The following CCSER2 variants were observed in gnomAD, a reference collection of about 807,000 sequenced individuals.
CCSER2 encodes the protein serine-rich coiled-coil domain-containing protein 2.
In CCSER2, 46 loss-of-function variants were observed where a neutral mutation model predicts 92.3. That is an observed-to-expected ratio of 0.50 (90% CI 0.39 to 0.64). CCSER2 has a LOEUF of 0.64. Ranked by LOEUF, CCSER2 falls within the 30% of genes least tolerant of loss-of-function variation. CCSER2 has a pLI of 0.00. For synonymous variants in CCSER2, 433 were observed against 431.4 expected (o/e 1.00, Z -0.04); for missense variants, 1,244 against 1,238.9 (o/e 1.00, Z -0.06).
At chr10:84,457,398 AATAT>A (rs1195932259) in intron 6 of CCSER2, among the ~76,000 whole-genome samples, 2 of 91,750 alleles carry the variant, frequency 2.2e-5, no homozygotes, top group African/African-American at 4.4e-5. Flanking sequence ...TATTTATTTA[AATAT>A]ATATTTTAAA....
At chr10:84,501,428 C>G (rs534923821) in intron 9 of CCSER2, among the ~76,000 whole-genome samples, 1 of 152,228 alleles carries the variant, frequency 6.6e-6, no homozygotes, top group Non-Finnish European at 1.5e-5. Context: ...TGTTCCTCCC[C>G]CTTTCTCCTT....
At chr10:84,446,979 CATA>C (rs1322245322) in intron 6 of CCSER2, among the ~76,000 whole-genome samples, 2 of 151,346 alleles carry the variant, frequency 1.3e-5, no homozygotes, top group Non-Finnish European at 2.9e-5. Flanking sequence ...ATGAACGAAA[CATA>C]ATATCTTTGT....
chr10:84,457,294 TATATATA>T (rs1156476267), intron 6 of CCSER2, among the ~76,000 whole-genome samples: 10 of 51,462 alleles, frequency 1.9e-4, no homozygotes, highest in African/African-American at 8.8e-4. Flanking sequence ...TATTATATAT[TATATATA>T]ATATGTTATA....
intron 1 of CCSER2, among the ~76,000 whole-genome samples, chr10:84,351,487 C>CTCCCAAAA (rs1589419307): frequency 1.3e-5 from 2 of 152,142 alleles, no homozygotes. Flanking sequence ...TCACCTTGGC[C>CTCCCAAAA]TCCCAAAATC....
intron 6 of CCSER2, among the ~76,000 whole-genome samples, chr10:84,443,334 G>C (rs1171243470): frequency 6.6e-6 from 1 of 152,148 alleles, no homozygotes; most frequent in African/African-American, 2.4e-5. Context: ...AGTGGGCAAA[G>C]GATATGAACA....
In CCSER2 at chr10:84,371,610, A is replaced by AAC. The variant is rs1846065546; in HGVS notation, c.559_560insCA (p.Arg187ThrfsTer18). 1.9e-6 allele frequency: 3 copies of AAC among 1,613,598 alleles called. No homozygotes were observed. In the Admixed American group the frequency reaches 5.0e-5, roughly 27 times the overall value. The stretch of plus-strand genomic sequence containing the variant: ...GAAACCGATCAGCTGGTAGCATGCA[A>AAC]AGGCCTAGAGCGAACTCCTGTGCCA... On this transcript the variant is annotated frameshift_variant, in exon 2 of 10. Coordinates refer to ENST00000372088, the MANE Select transcript of CCSER2 (RefSeq NM_001284240.2). LOFTEE classifies it high-confidence loss of function.
At chr10:84,500,201 C>G (rs1024287237) in intron 9 of CCSER2, among the ~76,000 whole-genome samples, 2 of 152,286 alleles carry the variant, frequency 1.3e-5, no homozygotes, top group East Asian at 1.9e-4. Flanking sequence ...ACTGTTTAAA[C>G]CTATTGCCAG....
intron 7 of CCSER2, 125 bp downstream of exon 7, chr10:84,464,141 T>C (rs886621006): frequency 1.1e-5 from 6 of 546,068 alleles, no homozygotes; most frequent in Non-Finnish European, 1.9e-5. Context: ...TTCTTAACTT[T>C]TGCTACTTTG....
At position 84,405,350 on chromosome 10, in the gene CCSER2, G is replaced by A. The variant is rs1441628852; in HGVS notation, c.1615-12421G>A. On this transcript the variant is annotated intron_variant, in intron 3 of 9. Transcript: ENST00000372088. ...TCCAAAATCGATCTTTGGTGTAATT[G>A]TGAAGTGTAAAACTGTAAGAAAACA... Among the ~76,000 whole-genome samples the A allele has an allele frequency of 7.2e-3, 1,093 of 152,278 alleles. 34 individuals carry two copies. The highest frequency in any genetic ancestry group is 0.055 in the Admixed American group (841 of 15,290).
intron 3 of CCSER2, among the ~76,000 whole-genome samples, chr10:84,399,568 A>G (rs987777310): frequency 1.3e-5 from 2 of 152,180 alleles, no homozygotes; most frequent in African/African-American, 4.8e-5. Context: ...CCTACCAGCT[A>G]GTAATTTTAA....
chr10:84,439,350 A>C (rs1189684267), intron 6 of CCSER2, among the ~76,000 whole-genome samples: 1 of 152,176 alleles, frequency 6.6e-6, no homozygotes, highest in Non-Finnish European at 1.5e-5. Flanking sequence ...GCAGAAAATC[A>C]AGGAATAAAA....
intron 1 of CCSER2, among the ~76,000 whole-genome samples, chr10:84,349,930 G>A (rs1363539953): frequency 6.6e-6 from 1 of 152,192 alleles, no homozygotes; most frequent in East Asian, 1.9e-4. Context: ...CAGGCAGGCG[G>A]ATCACCTGAG....
At chr10:84,492,088 G>T (rs1357379107) in intron 9 of CCSER2, among the ~76,000 whole-genome samples, 3 of 152,062 alleles carry the variant, frequency 2.0e-5, no homozygotes, top group Middle Eastern at 3.2e-3. Context: ...GACCATCCTG[G>T]CTAACACAAT....
At chr10:84,429,869 T>A (rs1396294223) in intron 5 of CCSER2, among the ~76,000 whole-genome samples, 5 of 103,942 alleles carry the variant, frequency 4.8e-5, no homozygotes, top group Non-Finnish European at 1.2e-4. Flanking sequence ...TCACAAAAAA[T>A]TTGAAAAAAA....
chr10:84,371,386 G>C lies in CCSER2; in HGVS notation c.334G>C (p.Gly112Arg), dbSNP rs1186166823. The change falls in exon 2 of 10, where the codon GGA (glycine) becomes CGA (arginine). Residue 112 changes from glycine to arginine, a missense_variant. Gly to Arg is a moderately radical substitution (Grantham distance 125). Transcript: ENST00000372088. ...QGMFDKNGIK[G>R]GLKSVSLFTS... The stretch of plus-strand genomic sequence containing the variant: ...AATGTTTGATAAAAATGGGATAAAG[G>C]GAGGTTTGAAAAGTGTTTCTTTATT... 1 of 1,613,498 alleles carries C rather than the reference G, an allele frequency of 6.2e-7. No homozygotes were observed. Among genetic ancestry groups the C allele is most frequent in the Non-Finnish European group, 8.5e-7 (1 of 1,179,736 alleles).
chr10:84,454,515 A>G (rs893785543), intron 6 of CCSER2, among the ~76,000 whole-genome samples: 2 of 152,186 alleles, frequency 1.3e-5, no homozygotes, highest in Non-Finnish European at 2.9e-5. Flanking sequence ...TAATAAGCAT[A>G]TTTTATTTAA....
chr10:84,342,340 C>T (rs1047940175), intron 1 of CCSER2, among the ~76,000 whole-genome samples: 1 of 152,162 alleles, frequency 6.6e-6, no homozygotes. Flanking sequence ...GTCACATATT[C>T]CTTATTTTTT....
At chr10:84,388,629 T>C (rs1269143670) in intron 3 of CCSER2, among the ~76,000 whole-genome samples, 1 of 152,204 alleles carries the variant, frequency 6.6e-6, no homozygotes, top group Non-Finnish European at 1.5e-5. Flanking sequence ...AATACAGTAA[T>C]TCCCAAACTT....
intron 6 of CCSER2, among the ~76,000 whole-genome samples, chr10:84,443,933 G>GT (rs1292793916): frequency 2.0e-5 from 3 of 152,018 alleles, no homozygotes; most frequent in Admixed American, 6.6e-5. Flanking sequence ...ATAAGTGGGA[G>GT]TTTAACAGTG....
Sources: allele counts gnomAD v4.1 joint callset (sites outside exome capture counted in the v4.1 genomes callset), GRCh38; gene constraint gnomAD v4.1.1; transcripts MANE v1.5; gene names NCBI Gene and HGNC (gene_info 2026-07-23, HGNC 2026-07-21).